Variants in NINL observed in about 807,000 individuals in gnomAD.
NINL encodes ninein like.
In NINL, 153 loss-of-function variants were observed where a neutral mutation model predicts 160.3. That is an observed-to-expected ratio of 0.95 (90% CI 0.84 to 1.09). NINL has a LOEUF of 1.09. Ranked by LOEUF, NINL falls within the 50% of genes least tolerant of loss-of-function variation. The pLI is 0.00. For synonymous variants in NINL, 800 were observed against 734.8 expected, an observed-to-expected ratio of 1.09 and a Z score of -1.43; for missense variants, 1,829 against 1,764.0, an observed-to-expected ratio of 1.04 and a Z score of -0.66.
chr20:25,496,630 G>C (rs1020036870), intron 10 of NINL, 33 bp downstream of exon 10: 4 of 1,611,134 alleles, frequency 2.5e-6, no homozygotes, highest in African/African-American at 2.7e-5. Flanking sequence ...GGGAGGCCCA[G>C]GTAAGAATCC....
chr20:25,511,616 G>C (rs2064071084), intron 4 of NINL, among the ~76,000 whole-genome samples: 1 of 152,162 alleles, frequency 6.6e-6, no homozygotes, highest in Non-Finnish European at 1.5e-5. Flanking sequence ...CTTTCCCCGT[G>C]TTCAGGTTTT....
At chr20:25,503,632 C>T (rs902700784) in intron 7 of NINL, among the ~76,000 whole-genome samples, 8 of 152,220 alleles carry the variant, frequency 5.3e-5, no homozygotes, top group Admixed American at 2.0e-4. Context: ...CCATGTTCCT[C>T]AGCTGAGCAT....
At chr20:25,508,804 C>T (rs2064010820) in intron 5 of NINL, among the ~76,000 whole-genome samples, 1 of 152,246 alleles carries the variant, frequency 6.6e-6, no homozygotes, top group Admixed American at 6.5e-5. Context: ...ATGGCAGCAT[C>T]CTGCACTCCC....
chr20:25,479,258 T>A, intron 15 of NINL, 52 bp from the exon 16 acceptor site: 1 of 1,542,492 alleles, frequency 6.5e-7, no homozygotes, highest in South Asian at 1.2e-5. Context: ...AGAATGATCT[T>A]GCTGCTGACG....
At position 25,536,676 on chromosome 20, in the gene NINL, G is replaced by A. The variant is rs73597814; in HGVS notation, c.-11-10078C>T. 4.4e-3 allele frequency among the ~76,000 whole-genome samples: 673 copies of A among 152,008 alleles called. 30 individuals are homozygous for A. In the East Asian group the frequency reaches 0.097, roughly 22 times the overall value. ...AGAGTTTTCAGTAAGCTGAGATCAT[G>A]CCACTGCACTCCAGCCTGGGCGATA... On this transcript the variant is annotated intron_variant, in intron 1 of 23. Coordinates refer to ENST00000278886, the MANE Select transcript of NINL (RefSeq NM_025176.6).
intron 17 of NINL, among the ~76,000 whole-genome samples, chr20:25,472,070 G>A (rs1027431953): frequency 6.6e-6 from 1 of 152,054 alleles, no homozygotes. Context: ...TATTGACAAT[G>A]ATCAGACAGG....
At chr20:25,482,495 C>T (rs1018508287) in intron 13 of NINL, among the ~76,000 whole-genome samples, 11 of 151,972 alleles carry the variant, frequency 7.2e-5, no homozygotes, top group East Asian at 1.9e-4. Context: ...TGCGCCACTA[C>T]GCCTGGTTAA....
At chr20:25,530,068 T>C (rs1219291503) in intron 1 of NINL, among the ~76,000 whole-genome samples, 2 of 152,222 alleles carry the variant, frequency 1.3e-5, no homozygotes, top group African/African-American at 4.8e-5. Flanking sequence ...TCTACTTTTT[T>C]TCTCTTTTAT....
At chr20:25,492,613 G>A (rs1042289844) in intron 10 of NINL, among the ~76,000 whole-genome samples, 24 of 151,884 alleles carry the variant, frequency 1.6e-4, no homozygotes, top group Admixed American at 2.6e-4. Flanking sequence ...CACCATGCCC[G>A]GCTAATTTTT....
chr20:25,491,510 C>G lies in NINL; in HGVS notation c.1326G>C (p.Gly442=). The G allele has an allele frequency of 6.2e-7, 1 of 1,613,860 alleles. No homozygotes were observed. The highest frequency in any genetic ancestry group is 8.5e-7 in the Non-Finnish European group (1 of 1,179,868). ...TEKKIKHLEQ[G]YRERLSLLRS... ...GCAGGAGGCTCAGCCTTTCCCGGTA[C>G]CCCTGCTCCAGATGCCTGTAACATG... Residue 442 remains glycine, a synonymous_variant, in exon 11 of 24, where the codon GGG becomes GGC. Coordinates refer to ENST00000278886, the MANE Select transcript of NINL (RefSeq NM_025176.6).
intron 1 of NINL, among the ~76,000 whole-genome samples, chr20:25,528,861 C>T (rs773428542): frequency 1.1e-4 from 16 of 152,180 alleles, no homozygotes; most frequent in Non-Finnish European, 1.9e-4. Context: ...CATTCATAAT[C>T]AAGTAATTCG....
chr20:25,479,951 T>A (rs1462523860), intron 15 of NINL, among the ~76,000 whole-genome samples: 1 of 152,198 alleles, frequency 6.6e-6, no homozygotes, highest in Non-Finnish European at 1.5e-5. Flanking sequence ...TCCCCATCAG[T>A]CATCCTATGT....
intron 23 of NINL, 22 bp from the exon 24 acceptor site, chr20:25,453,664 G>A (rs769981180): frequency 6.3e-7 from 1 of 1,581,716 alleles, no homozygotes. Flanking sequence ...AGGAAGCCAT[G>A]CTTTGCATGA....
chr20:25,474,489 C>A (rs904919990), intron 17 of NINL, among the ~76,000 whole-genome samples: 1 of 152,164 alleles, frequency 6.6e-6, no homozygotes, highest in South Asian at 2.1e-4. Flanking sequence ...GGTGGAGAGG[C>A]GGCCATTTAA....
intron 1 of NINL, among the ~76,000 whole-genome samples, chr20:25,568,602 T>G (rs1395585375): frequency 6.6e-6 from 1 of 151,676 alleles, no homozygotes; most frequent in African/African-American, 2.4e-5. Flanking sequence ...GTAGAGACAG[T>G]GTCTCACTAT....
chr20:25,584,074 C>G (rs996602589), intron 1 of NINL, among the ~76,000 whole-genome samples: 25 of 152,114 alleles, frequency 1.6e-4, no homozygotes, highest in Admixed American at 1.4e-3. Context: ...ATAGGTGCAG[C>G]AAACCATCAT....
At chr20:25,457,591 G>C (rs1262628567) in intron 22 of NINL, among the ~76,000 whole-genome samples, 1 of 125,376 alleles carries the variant, frequency 8.0e-6, no homozygotes, top group East Asian at 1.2e-3. Context: ...TTCTTCATTA[G>C]AACTTACACT....
chr20:25,489,006 A>G (rs991714295), intron 13 of NINL: 2 of 524,240 alleles, frequency 3.8e-6, no homozygotes, highest in Middle Eastern at 4.7e-4. Context: ...CTAAACATGA[A>G]CAACAGAAGA....
intron 1 of NINL, among the ~76,000 whole-genome samples, chr20:25,572,020 A>C (rs1404738398): frequency 6.6e-6 from 1 of 152,118 alleles, no homozygotes; most frequent in East Asian, 1.9e-4. Flanking sequence ...TGTCTATAAA[A>C]ACACTAACCA....
Sources: allele counts gnomAD v4.1 joint callset (sites outside exome capture counted in the v4.1 genomes callset), GRCh38; gene constraint gnomAD v4.1.1; transcripts MANE v1.5; gene names NCBI Gene and HGNC (gene_info 2026-07-23, HGNC 2026-07-21).